TIAM1: variants seen among roughly 807,000 people sequenced by gnomAD.
TIAM1 encodes the protein rho guanine nucleotide exchange factor TIAM1.
A neutral mutation model predicts 163.5 loss-of-function variants in TIAM1; 65 were observed. That is an observed-to-expected ratio of 0.40 (90% CI 0.33 to 0.49). TIAM1 has a LOEUF of 0.49. Ranked by LOEUF, TIAM1 falls within the 20% of genes least tolerant of loss-of-function variation. The pLI is 0.77. For synonymous variants in TIAM1, 833 were observed against 810.1 expected, an observed-to-expected ratio of 1.03 and a Z score of -0.48; for missense variants, 1,789 against 2,044.7, an observed-to-expected ratio of 0.87 and a Z score of 2.41.
intron 23 of TIAM1, among the ~76,000 whole-genome samples, chr21:31,135,226 T>C (rs960481762): frequency 5.3e-5 from 8 of 152,226 alleles, no homozygotes; most frequent in African/African-American, 1.7e-4. Flanking sequence ...AGCATTTACA[T>C]TGCAACAACA....
In TIAM1 at chr21:31,339,262, G is replaced by A; in HGVS notation, c.-208C>T. On this transcript the variant is annotated 5_prime_UTR_variant, in exon 2 of 28. Transcript: ENST00000541036. ...ACTTACCCCATTGGAAACAGAAGAG[G>A]CTTTGTCAAGATCTCCAAATGGGCC... is the stretch of plus-strand genomic sequence containing the variant. 1 of 398,470 alleles carries A rather than the reference G, an allele frequency of 2.5e-6. No individual in the cohort carries two copies. The highest frequency in any genetic ancestry group is 3.6e-5 in the East Asian group (1 of 28,074). The allele number at this position is 398,470 out of a possible 1,614,324, so 24.7% of individuals were successfully genotyped here.
At chr21:31,431,522 G>C (rs2044026697) in intron 2 of TIAM1, among the ~76,000 whole-genome samples, 1 of 152,140 alleles carries the variant, frequency 6.6e-6, no homozygotes, top group African/African-American at 2.4e-5. Flanking sequence ...GCATCCTAAG[G>C]CCCAAGAACA....
At position 31,392,591 on chromosome 21, in the gene TIAM1, A is replaced by T. The variant is rs923110557; in HGVS notation, c.-368-53169T>A. ...GTCTCAAAAAAAAAAAAAAAAAAAA[A>T]AAGTCGAAAATGATCTTCAATACCT... On this transcript the variant is annotated intron_variant, in intron 2 of 28. Transcript: ENST00000286827. 1.6e-4 allele frequency among the ~76,000 whole-genome samples: 25 copies of T among 151,554 alleles called. No homozygotes were observed. In the South Asian group the frequency reaches 4.8e-3, roughly 29 times the overall value.
At chr21:31,465,098 T>A (rs1040275982) in intron 1 of TIAM1, among the ~76,000 whole-genome samples, 10 of 151,868 alleles carry the variant, frequency 6.6e-5, no homozygotes, top group Admixed American at 1.3e-4. Context: ...CTAGGAAGGC[T>A]GCGGTGAGAG....
chr21:31,132,817 T>C (rs113602918), intron 23 of TIAM1, among the ~76,000 whole-genome samples: 6 of 152,308 alleles, frequency 3.9e-5, no homozygotes, highest in African/African-American at 1.4e-4. Context: ...ATGCTACCTT[T>C]GCCAGCCTAA....
chr21:31,496,463 A>G lies in TIAM1; in HGVS notation c.-421-32428T>C, dbSNP rs1460130903. Among the ~76,000 whole-genome samples, 49 of 87,056 alleles carry G rather than the reference A, an allele frequency of 5.6e-4. 1 individual carries two copies. The South Asian group carries it at 0.019, about 34-fold the overall frequency. The allele number at this position is 87,056 out of a possible 152,430, so 57.1% of individuals were successfully genotyped here. The stretch of plus-strand genomic sequence containing the variant: ...CCAGCCTGGGCAACTCTGTCTCAAA[A>G]AAAAAAAAAAAAAAAAAAAATGGAA... On this transcript the variant is annotated intron_variant, in intron 1 of 28. Coordinates refer to the TIAM1 transcript ENST00000286827.
At chr21:31,371,850 C>T (rs2076601819) in intron 2 of TIAM1, among the ~76,000 whole-genome samples, 1 of 152,174 alleles carries the variant, frequency 6.6e-6, no homozygotes, top group Non-Finnish European at 1.5e-5. Flanking sequence ...CTCTCAGACT[C>T]ATTCACCCCT....
chr21:31,528,958 GT>G (rs2047880562), intron 1 of TIAM1, among the ~76,000 whole-genome samples: 1 of 99,170 alleles, frequency 1.0e-5, no homozygotes, highest in Admixed American at 1.2e-4. Context: ...CAGAGTCTCA[GT>G]CGCCCAGGCT....
At chr21:31,226,494 T>C (rs2087978858) in intron 6 of TIAM1, among the ~76,000 whole-genome samples, 1 of 152,142 alleles carries the variant, frequency 6.6e-6, no homozygotes, top group African/African-American at 2.4e-5. Flanking sequence ...GGGGACTCTA[T>C]GGAACCCTCT....
chr21:31,169,382 T>C (rs910379064), intron 15 of TIAM1, among the ~76,000 whole-genome samples: 4 of 152,058 alleles, frequency 2.6e-5, no homozygotes, highest in African/African-American at 7.2e-5. Context: ...TTTTTAGAAA[T>C]AGAAACTATA....
At chr21:31,317,220 C>G (rs970485779) in intron 2 of TIAM1, among the ~76,000 whole-genome samples, 1 of 151,896 alleles carries the variant, frequency 6.6e-6, no homozygotes, top group African/African-American at 2.4e-5. Context: ...TTTGGGAGGC[C>G]GAAGAGGGTG....
intron 20 of TIAM1, among the ~76,000 whole-genome samples, chr21:31,145,109 C>A (rs1364052047): frequency 6.6e-6 from 1 of 152,116 alleles, no homozygotes; most frequent in Non-Finnish European, 1.5e-5. Flanking sequence ...AAGAAACACA[C>A]TGCACACACA....
At chr21:31,304,128 A>G (rs953044163) in intron 2 of TIAM1, among the ~76,000 whole-genome samples, 7 of 152,168 alleles carry the variant, frequency 4.6e-5, no homozygotes, top group African/African-American at 1.7e-4. Context: ...TGGCTGTGAG[A>G]GCTACACACA....
intron 1 of TIAM1, among the ~76,000 whole-genome samples, chr21:31,341,939 C>T (rs922453317): frequency 6.6e-6 from 1 of 152,002 alleles, no homozygotes. Flanking sequence ...ATTGATAATA[C>T]ATTAGCAAGA....
chr21:31,496,570 G>C (rs2046655187), intron 1 of TIAM1, among the ~76,000 whole-genome samples: 1 of 151,502 alleles, frequency 6.6e-6, no homozygotes. Flanking sequence ...ATTAAAGTCT[G>C]TGAAGTTAAA....
intron 15 of TIAM1, among the ~76,000 whole-genome samples, chr21:31,165,413 G>A (rs1320913746): frequency 6.6e-6 from 1 of 152,156 alleles, no homozygotes; most frequent in Non-Finnish European, 1.5e-5. Flanking sequence ...GGTCATGAGG[G>A]TGGGGTCCCC....
chr21:31,496,078 T>G (rs1290377949), intron 1 of TIAM1, among the ~76,000 whole-genome samples: 2 of 152,076 alleles, frequency 1.3e-5, no homozygotes, highest in African/African-American at 4.8e-5. Context: ...TGCTCCTGTG[T>G]AGGCCTAGGC....
intron 2 of TIAM1, among the ~76,000 whole-genome samples, chr21:31,420,483 C>T (rs892537607): frequency 6.6e-6 from 1 of 152,194 alleles, no homozygotes; most frequent in Non-Finnish European, 1.5e-5. Flanking sequence ...GTATCCCAGA[C>T]CCTAAAGAGT....
intron 20 of TIAM1, among the ~76,000 whole-genome samples, chr21:31,146,465 C>CT (rs992883067): frequency 1.3e-5 from 2 of 149,010 alleles, no homozygotes; most frequent in Non-Finnish European, 3.0e-5. Context: ...AATCCCAGCA[C>CT]TTTGGGAGGT....
Sources: allele counts gnomAD v4.1 joint callset (sites outside exome capture counted in the v4.1 genomes callset), GRCh38; gene constraint gnomAD v4.1.1; transcripts MANE v1.5; gene names NCBI Gene and HGNC (gene_info 2026-07-23, HGNC 2026-07-21).